Variants in CCDC66 observed in about 807,000 individuals in gnomAD.
CCDC66 encodes the protein coiled-coil domain containing 66.
A neutral mutation model predicts 128.3 loss-of-function variants in CCDC66; 133 were observed. The ratio of observed to expected loss-of-function variants is 1.04; its 90% CI spans 0.90 to 1.20. The LOEUF is 1.20. CCDC66 is among the 50% of genes most tolerant of loss of function. The pLI is 0.00. For missense variants in CCDC66, 1,126 were observed against 1,075.5 expected (o/e 1.05, Z -0.66); for synonymous variants, 387 against 357.0 (o/e 1.08, Z -0.95).
intron 10 of CCDC66, among the ~76,000 whole-genome samples, chr3:56,612,644 T>C (rs984378758): frequency 3.3e-5 from 5 of 152,136 alleles, no homozygotes; most frequent in African/African-American, 1.2e-4. Context: ...AGTGGTGGTG[T>C]TGGCGGTGGC....
chr3:56,560,895 C>A, intron 3 of CCDC66: 1 of 456,572 alleles, frequency 2.2e-6, no homozygotes, highest in South Asian at 1.5e-5. Flanking sequence ...GTGGATAGAA[C>A]CCAGTTTGGA....
chr3:56,588,646 C>T (rs561098230), intron 7 of CCDC66, among the ~76,000 whole-genome samples: 1 of 152,222 alleles, frequency 6.6e-6, no homozygotes, highest in Admixed American at 6.5e-5. Flanking sequence ...CCAGGCCCTA[C>T]CTCCAACACT....
rs990782823 is a variant in CCDC66 at position 56,596,622 on chromosome 3, C to T, written c.1404+2594C>T. 2.0e-5 allele frequency among the ~76,000 whole-genome samples: 3 copies of T among 151,850 alleles called. No individual in the cohort carries two copies. In the East Asian group the frequency reaches 5.8e-4, roughly 29 times the overall value. The stretch of plus-strand genomic sequence containing the variant: ...ATTTTTAGTTCAATGTAGCCCTATT[C>T]GTATGTTTTTGGTCCCTGTGTTTTT... On this transcript the variant is annotated intron_variant, in intron 10 of 17. Transcript: ENST00000394672.
At chr3:56,606,657 GA>G (rs1197813313) in intron 10 of CCDC66, among the ~76,000 whole-genome samples, 2 of 152,034 alleles carry the variant, frequency 1.3e-5, no homozygotes, top group East Asian at 3.9e-4. Flanking sequence ...ACCTAAGTTG[GA>G]AATGCAGAAA....
chr3:56,612,751 T>C (rs1460170507), intron 10 of CCDC66, among the ~76,000 whole-genome samples: 2 of 152,154 alleles, frequency 1.3e-5, no homozygotes, highest in African/African-American at 4.8e-5. Context: ...GGGCCCATAC[T>C]CTAGGAGGAG....
chr3:56,608,790 T>G (rs2107265303), intron 10 of CCDC66, among the ~76,000 whole-genome samples: 1 of 152,318 alleles, frequency 6.6e-6, no homozygotes, highest in South Asian at 2.1e-4. Flanking sequence ...TCCCAAAGGT[T>G]TTGATAGGTT....
chr3:56,563,099 G>T (rs1319289720), intron 3 of CCDC66, among the ~76,000 whole-genome samples: 3 of 151,920 alleles, frequency 2.0e-5, no homozygotes, highest in Non-Finnish European at 4.4e-5. Flanking sequence ...GGTGGCTCAC[G>T]CCTGTAATCC....
chr3:56,557,321 G>T, intron 1 of CCDC66, 68 bp downstream of exon 1: 4 of 1,539,462 alleles, frequency 2.6e-6, no homozygotes, highest in African/African-American at 1.4e-5. Flanking sequence ...GGAGGCATGT[G>T]TGTCTGGGTT....
In CCDC66 at chr3:56,557,279, C is replaced by G. The variant is rs77919752; in HGVS notation, c.11+26C>G. The G allele has an allele frequency of 1.3e-3, 2,032 of 1,550,514 alleles. 17 individuals carry two copies. In the African/African-American group the frequency reaches 0.022, roughly 17 times the overall value. ...GTAAGCAGGGGTAAGCTGGGGTAAG[C>G]TGGGGTAAGCAAGGTGGTCGTCAGC... On this transcript the variant is annotated intron_variant, in intron 1 of 17. Transcript: ENST00000394672.
At chr3:56,582,849 T>TTTTTTATTA (rs762028314) in intron 7 of CCDC66, among the ~76,000 whole-genome samples, 91 of 134,876 alleles carry the variant, frequency 6.7e-4, no homozygotes, top group African/African-American at 1.7e-3. Flanking sequence ...CTCAACTTTC[T>TTTTTTATTA]TTATTATTAT....
intron 7 of CCDC66, among the ~76,000 whole-genome samples, chr3:56,579,752 G>C (rs2068012255): frequency 6.6e-6 from 1 of 151,896 alleles, no homozygotes; most frequent in Non-Finnish European, 1.5e-5. Flanking sequence ...GTTCTAGTTT[G>C]ATTGCACTGT....
intron 7 of CCDC66, among the ~76,000 whole-genome samples, chr3:56,575,374 C>CT (rs1424152712): frequency 1.3e-5 from 2 of 151,824 alleles, no homozygotes; most frequent in African/African-American, 4.8e-5. Context: ...GGCTTATTGA[C>CT]TATTTGCATG....
intron 10 of CCDC66, among the ~76,000 whole-genome samples, chr3:56,598,497 CT>C (rs1351025202): frequency 5.9e-5 from 9 of 151,842 alleles, no homozygotes; most frequent in African/African-American, 2.2e-4. Flanking sequence ...TGTTTTAGCT[CT>C]TAGGGGAAAG....
Position 56,593,087 on chromosome 3 carries a change from A to T in CCDC66, c.1054A>T (p.Ile352Phe), listed in dbSNP as rs751099085. The change falls in exon 8 of 18, where the codon ATT becomes TTT. Residue 352 changes from isoleucine (I) to phenylalanine (F), a missense_variant. Physicochemically the swap from Ile to Phe is conservative, Grantham distance 21. Transcript: ENST00000394672. ...DDRQRKIEEKIIYSKGEEHDR... is the reference protein window; with the variant it reads ...DDRQRKIEEKFIYSKGEEHDR... ...CCGTCAAAGAAAAATAGAGGAAAAA[A>T]TTATATATTCAAAGGTAACTTATGA... 6.3e-7 allele frequency: 1 copy of T among 1,595,340 alleles called. No homozygotes were observed. The highest frequency in any genetic ancestry group is 1.7e-5 in the Admixed American group (1 of 58,540).
intron 7 of CCDC66, among the ~76,000 whole-genome samples, chr3:56,586,167 T>C (rs1214047970): frequency 3.3e-5 from 5 of 151,942 alleles, no homozygotes; most frequent in Non-Finnish European, 7.3e-5. Flanking sequence ...AGCTGTTGTG[T>C]GATCTCTCCA....
At chr3:56,612,594 A>T (rs965254209) in intron 10 of CCDC66, among the ~76,000 whole-genome samples, 1 of 148,220 alleles carries the variant, frequency 6.7e-6, no homozygotes, top group Non-Finnish European at 1.5e-5. Context: ...GGGCAATGGC[A>T]GTAGTAGTAG....
intron 15 of CCDC66, chr3:56,618,824 CAT>C (rs2075912160): frequency 6.2e-6 from 1 of 160,886 alleles, no homozygotes; most frequent in African/African-American, 2.4e-5. Flanking sequence ...CTAGTAAAAA[CAT>C]AAATGAATAC....
chr3:56,582,276 G>C (rs2068525969), intron 7 of CCDC66, among the ~76,000 whole-genome samples: 1 of 151,892 alleles, frequency 6.6e-6, no homozygotes, highest in Non-Finnish European at 1.5e-5. Flanking sequence ...CGCAGTATTA[G>C]GGTGGGAGTG....
intron 7 of CCDC66, among the ~76,000 whole-genome samples, chr3:56,587,949 C>T (rs753018507): frequency 1.2e-4 from 19 of 152,312 alleles, no homozygotes; most frequent in East Asian, 1.9e-4. Context: ...TGGGTAACTA[C>T]CCAGAGGAAA....
Sources: gnomAD v4.1 joint callset for allele counts (sites outside exome capture counted in the v4.1 genomes callset) on GRCh38, gnomAD v4.1.1 for gene constraint, MANE v1.5 for transcripts, NCBI Gene and HGNC (gene_info 2026-07-23, HGNC 2026-07-21) for gene names.